Variants in ERCC3 observed in about 807,000 individuals in gnomAD.
The protein encoded by ERCC3 is general transcription and DNA repair factor IIH helicase/translocase subunit XPB.
A neutral mutation model predicts 94.2 loss-of-function variants in ERCC3; 66 were observed. The observed-to-expected ratio is 0.70, with a 90% CI of 0.57 to 0.86. The LOEUF is 0.86. Among genes scored for constraint, ERCC3 ranks in the 40% least tolerant of loss-of-function variants. ERCC3 has a pLI of 0.00. For missense variants in ERCC3, 829 were observed against 987.1 expected (o/e 0.84, Z 2.15); for synonymous variants, 349 against 369.1 (o/e 0.95, Z 0.63).
At chr2:127,278,160 C>T (rs1684791350) in intron 10 of ERCC3, among the ~76,000 whole-genome samples, 2 of 151,590 alleles carry the variant, frequency 1.3e-5, no homozygotes, top group African/African-American at 4.8e-5. Flanking sequence ...ATTGATTGAG[C>T]CCAGGGGGTC....
chr2:127,257,697 T>G lies in ERCC3; in HGVS notation c.2248A>C (p.Met750Leu), dbSNP rs369468852. 2.3e-5 allele frequency: 37 copies of G among 1,614,134 alleles called. No individual in the cohort carries two copies. In the Middle Eastern group the frequency reaches 5.0e-4, roughly 22 times the overall value. The change falls in exon 15 of 15, where the codon ATG becomes CTG. Residue 750 changes from methionine to leucine, a missense_variant. Met to Leu is a conservative substitution (Grantham distance 15). Coordinates refer to ENST00000285398, the MANE Select transcript of ERCC3 (RefSeq NM_000122.2). This position sits in a 1 kb window ranked among gnomAD's most constrained non-coding sequence, Gnocchi z 5.4. ...TACACAGTGTCGTCGGCCCCAGACA[T>G]AGAACTCATGGTGCCAAAGCGCCGA... ...ASRRFGTMSS[M>L]SGADDTVYME...
intron 8 of ERCC3, among the ~76,000 whole-genome samples, chr2:127,283,075 C>T (rs1283804317): frequency 6.8e-6 from 1 of 147,518 alleles, no homozygotes; most frequent in Non-Finnish European, 1.5e-5. Flanking sequence ...AGACCCAATA[C>T]CCACCCTTCC....
chr2:127,273,543 A>C lies in ERCC3; in HGVS notation c.1731-582T>G, dbSNP rs138570183. On this transcript the variant is annotated intron_variant, in intron 10 of 14. Transcript: ENST00000285398. ...GGCGGGTGGATCACCTGAGGTTGGG[A>C]ATTCACGACCAGCCTGACCAACATG... Among the ~76,000 whole-genome samples the C allele has an allele frequency of 1.7e-4, 26 of 151,778 alleles. 1 individual carries two copies. The highest frequency in any genetic ancestry group is 6.0e-4 in the African/African-American group (25 of 41,350).
intron 10 of ERCC3, among the ~76,000 whole-genome samples, chr2:127,273,492 G>A (rs934976637): frequency 1.3e-5 from 2 of 151,614 alleles, no homozygotes; most frequent in Non-Finnish European, 2.9e-5. Flanking sequence ...GTTCACGCCT[G>A]TAATCCCAGC....
Position 127,271,482 on chromosome 2 carries a change from A to G in ERCC3, c.1828-29T>C, listed in dbSNP as rs1684548548. 4 of 1,466,058 alleles carry G rather than the reference A, an allele frequency of 2.7e-6. No individual in the cohort carries two copies. The South Asian group carries it at 4.6e-5, about 17-fold the overall frequency. 90.8% of individuals were successfully genotyped at this position (1,466,058 alleles called of 1,614,324 possible). ...CAGAAACAAGTTGGAAGGTTTTTAT[A>G]TATGAGGAAAAAAAAAAAGTCAACT... On this transcript the variant is annotated intron_variant, in intron 11 of 14. Transcript: ENST00000285398. The surrounding 1 kb of genome is among the most constrained non-coding windows in gnomAD (Gnocchi z 5.0).
intron 12 of ERCC3, among the ~76,000 whole-genome samples, chr2:127,267,376 C>T (rs13403918): frequency 0.2 from 30,342 of 151,254 alleles, 3,263 homozygotes; most frequent in South Asian, 0.34. Context: ...TTTACTGTGG[C>T]TGGTTTAAAG....
chr2:127,266,637 G>A lies in ERCC3; in HGVS notation c.1945+4699C>T, dbSNP rs539686750. On this transcript the variant is annotated intron_variant, in intron 12 of 14. Coordinates refer to ENST00000285398, the MANE Select transcript of ERCC3 (RefSeq NM_000122.2). ...TCGGCGTAAGCCACCACACCCTGCC[G>A]AATTTATTGAGACTTTAATAAAGTC... 2.6e-4 allele frequency among the ~76,000 whole-genome samples: 40 copies of A among 151,182 alleles called. 1 individual carries two copies. Among genetic ancestry groups the A allele is most frequent in the Admixed American group, 1.2e-3 (18 of 15,190 alleles).
chr2:127,272,234 A>T (rs1307655085), intron 11 of ERCC3, among the ~76,000 whole-genome samples: 1 of 152,066 alleles, frequency 6.6e-6, no homozygotes, highest in African/African-American at 2.4e-5. Context: ...CATGTTGGCC[A>T]GGCTGGTCTC....
chr2:127,289,665 A>C (rs368395964), intron 5 of ERCC3, 24 bp downstream of exon 5: 309 of 1,613,664 alleles, frequency 1.9e-4, no homozygotes, highest in Non-Finnish European at 2.4e-4. Flanking sequence ...CCCCCACCCA[A>C]GGGTGGCCCA....
chr2:127,283,463 TACC>T (rs1331152843), intron 8 of ERCC3, among the ~76,000 whole-genome samples: 2 of 152,248 alleles, frequency 1.3e-5, no homozygotes, highest in Non-Finnish European at 2.9e-5. Context: ...TGTATGGATG[TACC>T]ACAGCTTGTT....
chr2:127,293,584 C>T lies in ERCC3; in HGVS notation c.163G>A (p.Glu55Lys). ...QVDESGTKVD[E>K]YGAKDYRLQM... is the part of the protein sequence containing the mutation. ...AGCCTGTAGTCCTTGGCTCCATATT[C>T]ATCCACTTTGGTGCCTGACTCATCC... is the stretch of plus-strand genomic sequence containing the variant. The change falls in exon 2 of 15, where the codon GAA becomes AAA. Residue 55 changes from glutamate (E) to lysine (K), a missense_variant. Glu to Lys is a moderately conservative substitution (Grantham distance 56). Transcript: ENST00000285398. 1.2e-6 allele frequency: 2 copies of T among 1,614,218 alleles called. No homozygotes were observed. Among genetic ancestry groups the T allele is most frequent in the Non-Finnish European group, 1.7e-6 (2 of 1,180,032 alleles).
At position 127,259,560 on chromosome 2, in the gene ERCC3, C is replaced by A; in HGVS notation, c.2065-112G>T. 7.1e-7 allele frequency: 1 copy of A among 1,413,250 alleles called. No homozygotes were observed. The highest frequency in any genetic ancestry group is 9.9e-7 in the Non-Finnish European group (1 of 1,008,252). The allele number at this position is 1,413,250 out of a possible 1,614,324, so 87.5% of individuals were successfully genotyped here. ...TCACTTCCCTCCCCAGGCCCAGCCA[C>A]CCTGGTGGCCAACAATGGAGAGCTC... On this transcript the variant is annotated intron_variant, in intron 13 of 14. Coordinates refer to ENST00000285398, the MANE Select transcript of ERCC3 (RefSeq NM_000122.2). The surrounding 1 kb of genome is among the most constrained non-coding windows in gnomAD (Gnocchi z 4.9).
At position 127,292,821 on chromosome 2, in the gene ERCC3, T is replaced by C. The variant is rs773655670; in HGVS notation, c.260A>G (p.Glu87Gly). 6.2e-7 allele frequency: 1 copy of C among 1,613,030 alleles called. No individual in the cohort carries two copies. The highest frequency in any genetic ancestry group is 8.5e-7 in the Non-Finnish European group (1 of 1,179,610). ...ATATTTGTAAACTGGAGAGAAGGCT[T>C]CCAAGAAGATATGGCCATCGGGAGC... ...WVAPDGHIFL[E>G]AFSPVYKYAQ... is the part of the protein sequence containing the mutation. The change falls in exon 3 of 15, where the codon GAA (glutamate) becomes GGA (glycine). Residue 87 changes from glutamate (E) to glycine (G), a missense_variant. By Grantham distance (98) the Glu-to-Gly change is moderately conservative. Coordinates refer to ENST00000285398, the MANE Select transcript of ERCC3 (RefSeq NM_000122.2).
chr2:127,273,882 C>T lies in ERCC3; in HGVS notation c.1731-921G>A, dbSNP rs568661265. Among the ~76,000 whole-genome samples, 9 of 151,422 alleles carry T rather than the reference C, an allele frequency of 5.9e-5. No homozygotes were observed. In the East Asian group the frequency reaches 7.7e-4, roughly 13 times the overall value. ...TCCTTCCCTCTGTCTTGGAATGTGA[C>T]GGTGGACAGTTTTTGTAGCTTCCCA... On this transcript the variant is annotated intron_variant, in intron 10 of 14. Transcript: ENST00000285398.
At position 127,272,866 on chromosome 2, in the gene ERCC3, T is replaced by C. The variant is rs1449752433; in HGVS notation, c.1826A>G (p.Lys609Arg). The change falls in exon 11 of 15, where the codon AAG (lysine) becomes AGG (arginine). Residue 609 changes from lysine to arginine, a missense_variant and splice_region_variant. By Grantham distance (26) the Lys-to-Arg change is conservative. Transcript: ENST00000285398. ...NPKINTIFIS[K>R]VGDTSFDLPE... ...CTCCACCCCATATGCCACACAAACC[T>C]TGGATATGAAGATGGTGTTAATTTT... 1.2e-6 allele frequency: 2 copies of C among 1,609,158 alleles called. No homozygotes were observed. Among genetic ancestry groups the C allele is most frequent in the Non-Finnish European group, 1.7e-6 (2 of 1,175,582 alleles).
chr2:127,263,777 G>A (rs1410601592), intron 12 of ERCC3, among the ~76,000 whole-genome samples: 3 of 149,938 alleles, frequency 2.0e-5, no homozygotes, highest in Non-Finnish European at 4.4e-5. Flanking sequence ...GCGTGATCTC[G>A]GCTCACTGCA....
rs9282679 is a variant in ERCC3, at chr2:127,289,062, T to G, written c.823-198A>C. On this transcript the variant is annotated intron_variant, in intron 6 of 14. Transcript: ENST00000285398. ...ACAACACTTTGAAAATGAAATCTAA[T>G]CAGCAGGCAAAATTGACCTTCAGGC... Among the ~76,000 whole-genome samples, 47 of 152,222 alleles carry G rather than the reference T, an allele frequency of 3.1e-4. No homozygotes were observed. The East Asian group carries it at 8.9e-3, about 29-fold the overall frequency.
At position 127,260,566 on chromosome 2, in the gene ERCC3, T is replaced by C. The variant is rs79868370; in HGVS notation, c.2064+662A>G. On this transcript the variant is annotated intron_variant, in intron 13 of 14. Coordinates refer to ENST00000285398, the MANE Select transcript of ERCC3 (RefSeq NM_000122.2). ...GGCCAATAATGGGAACTCTCACCAA[T>C]GCATAAAGAGACACATTAAAAACGT... 3.3e-3 allele frequency: 503 copies of C among 153,594 alleles called. 2 individuals are homozygous for C. The highest frequency in any genetic ancestry group is 0.011 in the African/African-American group (469 of 41,550). The allele number at this position is 153,594 out of a possible 1,614,324, so 9.5% of individuals were successfully genotyped here.
At chr2:127,269,197 T>C (rs1558951017) in intron 12 of ERCC3, among the ~76,000 whole-genome samples, 1 of 152,192 alleles carries the variant, frequency 6.6e-6, no homozygotes, top group Non-Finnish European at 1.5e-5. Flanking sequence ...ATGGGGGGAC[T>C]ACTGTATTAA....
Sources: allele counts gnomAD v4.1 joint callset (sites outside exome capture counted in the v4.1 genomes callset), GRCh38; gene constraint gnomAD v4.1.1; non-coding constraint Gnocchi (gnomAD v3.1); transcripts MANE v1.5; gene names NCBI Gene and HGNC (gene_info 2026-07-23, HGNC 2026-07-21).